The following MCPH1 variants were observed in gnomAD, a reference collection of about 807,000 sequenced individuals.
MCPH1 encodes microcephalin.
In MCPH1, 104 loss-of-function variants were observed where a neutral mutation model predicts 84.5. That is an observed-to-expected ratio of 1.23 (90% CI 1.05 to 1.45). MCPH1 has a LOEUF of 1.45. MCPH1 is among the 40% of genes most tolerant of loss of function. The probability of loss-of-function intolerance (pLI) is 0.00; values close to 1 mark genes in which losing one functional copy is unlikely to be tolerated. For synonymous variants in MCPH1, 514 were observed against 366.8 expected, an observed-to-expected ratio of 1.40 and a Z score of -4.58; for missense variants, 1,498 against 1,005.7, an observed-to-expected ratio of 1.49 and a Z score of -6.62.
At chr8:6,433,630 CAAAAAAAAA>C (rs60661127) in intron 4 of MCPH1, among the ~76,000 whole-genome samples, 1 of 40,896 alleles carries the variant, frequency 2.4e-5, no homozygotes, top group Non-Finnish European at 5.1e-5. Context: ...GGCTCTGTCT[CAAAAAAAAA>C]AAAAAAAAAA....
In MCPH1 at chr8:6,444,681, G is replaced by T. The variant is rs1585806655; in HGVS notation, c.959G>T (p.Gly320Val). 6.2e-7 allele frequency: 1 copy of T among 1,614,020 alleles called. No individual in the cohort carries two copies. The highest frequency in any genetic ancestry group is 8.5e-7 in the Non-Finnish European group (1 of 1,180,018). The change falls in exon 8 of 14, where the codon GGT (glycine) becomes GTT (valine). Residue 320 changes from glycine to valine, a missense_variant. Gly to Val is a moderately radical substitution (Grantham distance 109, BLOSUM62 -3). Transcript: ENST00000344683. ...VVTPDQKQAA[G>V]MSQETFEEKY... ...ACCCCTGACCAAAAGCAGGCTGCAGGTATGTCTCAGGAGACGTTTGAAGAG... is the reference window on the plus strand; with the variant it reads ...ACCCCTGACCAAAAGCAGGCTGCAGTTATGTCTCAGGAGACGTTTGAAGAG...
In MCPH1 at chr8:6,425,292, C is replaced by G. The variant is rs555938313; in HGVS notation, c.234-6207C>G. Among the ~76,000 whole-genome samples, 166 of 152,286 alleles carry G rather than the reference C, an allele frequency of 1.1e-3. 1 individual carries two copies. In the South Asian group the frequency reaches 0.017, roughly 16 times the overall value. On this transcript the variant is annotated intron_variant, in intron 3 of 13. Coordinates refer to ENST00000344683, the MANE Select transcript of MCPH1 (RefSeq NM_024596.5). The stretch of plus-strand genomic sequence containing the variant: ...CTTGAAACACTTTTCGTTTTGACCA[C>G]TAGATGGTGGGATAATGTTATCATT...
chr8:6,496,236 A>G (rs183522310), intron 11 of MCPH1, among the ~76,000 whole-genome samples: 35 of 152,270 alleles, frequency 2.3e-4, no homozygotes, highest in African/African-American at 8.4e-4. Context: ...AGGAGCATGC[A>G]ACCTAGATCC....
chr8:6,603,343 C>G (rs1829515636), intron 12 of MCPH1, among the ~76,000 whole-genome samples: 1 of 152,160 alleles, frequency 6.6e-6, no homozygotes, highest in South Asian at 2.1e-4. Context: ...CATGAGTGAA[C>G]TTTTCGGGAT....
intron 12 of MCPH1, among the ~76,000 whole-genome samples, chr8:6,549,837 A>C (rs952523408): frequency 1.3e-5 from 2 of 152,232 alleles, no homozygotes; most frequent in African/African-American, 4.8e-5. Context: ...CAAGTTGTAC[A>C]CTCAAGATTT....
At chr8:6,438,633 T>C (rs1803022911) in intron 5 of MCPH1, among the ~76,000 whole-genome samples, 1 of 152,250 alleles carries the variant, frequency 6.6e-6, no homozygotes, top group African/African-American at 2.4e-5. Context: ...TTACAACTTT[T>C]AACTTCTGTG....
intron 12 of MCPH1, among the ~76,000 whole-genome samples, chr8:6,537,192 G>A (rs1212264412): frequency 2.0e-5 from 3 of 152,138 alleles, no homozygotes; most frequent in African/African-American, 7.2e-5. Context: ...TCGCAGGAAT[G>A]TTTGCCATCG....
intron 3 of MCPH1, among the ~76,000 whole-genome samples, chr8:6,421,329 C>G (rs1800164991): frequency 6.6e-6 from 1 of 152,080 alleles, no homozygotes; most frequent in Non-Finnish European, 1.5e-5. Context: ...AGCTATCACC[C>G]AACATTCCTA....
intron 12 of MCPH1, among the ~76,000 whole-genome samples, chr8:6,565,100 C>G (rs1398125557): frequency 2.0e-5 from 3 of 152,216 alleles, no homozygotes. Context: ...AAGATGAGAC[C>G]TGTGTTAGAA....
Position 6,576,780 on chromosome 8 carries a change from TCAGGTGATCCGTCCG to T in MCPH1, c.2215-44666_2215-44652del, listed in dbSNP as rs1327771849. On this transcript the variant is annotated intron_variant, in intron 12 of 13. Coordinates refer to ENST00000344683, the MANE Select transcript of MCPH1 (RefSeq NM_024596.5). ...TCAGGGTGGTCTCGAACTCCTGACC[TCAGGTGATCCGTCCG>T]CAGGTGAGCCACCCGCCTCGGCCTC... is the stretch of plus-strand genomic sequence containing the variant. Among the ~76,000 whole-genome samples the T allele has an allele frequency of 1.1e-4, 15 of 134,276 alleles. No individual in the cohort carries two copies. In the South Asian group the frequency reaches 3.9e-3, roughly 35 times the overall value. 88.1% of individuals were successfully genotyped at this position (134,276 alleles called of 152,430 possible).
At chr8:6,575,480 T>G (rs1253830908) in intron 12 of MCPH1, among the ~76,000 whole-genome samples, 1 of 152,168 alleles carries the variant, frequency 6.6e-6, no homozygotes, top group Non-Finnish European at 1.5e-5. Context: ...AGTAAAAAGG[T>G]CCTACGTGGT....
At chr8:6,558,571 C>A (rs1256455753) in intron 12 of MCPH1, among the ~76,000 whole-genome samples, 1 of 152,106 alleles carries the variant, frequency 6.6e-6, no homozygotes, top group African/African-American at 2.4e-5. Context: ...TGGATTACAA[C>A]CTGTTTGACA....
intron 12 of MCPH1, among the ~76,000 whole-genome samples, chr8:6,596,349 A>T (rs1828924609): frequency 6.6e-6 from 1 of 152,188 alleles, no homozygotes; most frequent in African/African-American, 2.4e-5. Flanking sequence ...GAGTGGGTCT[A>T]TGGCACAGCC....
At chr8:6,509,116 A>G in intron 12 of MCPH1, 6 of 1,580,862 alleles carry the variant, frequency 3.8e-6, no homozygotes, top group Non-Finnish European at 2.6e-6. Flanking sequence ...GATTTACCGT[A>G]GTGGCAAATT....
At chr8:6,522,937 C>A (rs1817640923) in intron 12 of MCPH1, among the ~76,000 whole-genome samples, 1 of 152,114 alleles carries the variant, frequency 6.6e-6, no homozygotes, top group African/African-American at 2.4e-5. Flanking sequence ...AAAATCTAAC[C>A]AGCGCTATGG....
At chr8:6,599,655 T>A (rs1829214834) in intron 12 of MCPH1, among the ~76,000 whole-genome samples, 1 of 152,270 alleles carries the variant, frequency 6.6e-6, no homozygotes, top group Non-Finnish European at 1.5e-5. Flanking sequence ...TCTCAGGTGC[T>A]TGTTGAGTCA....
At chr8:6,578,017 CGAG>C (rs1041860172) in intron 12 of MCPH1, among the ~76,000 whole-genome samples, 1 of 152,194 alleles carries the variant, frequency 6.6e-6, no homozygotes, top group Non-Finnish European at 1.5e-5. Context: ...GAATTTGAAG[CGAG>C]GAGTTTTTCT....
intron 13 of MCPH1, chr8:6,622,079 G>T: frequency 2.8e-6 from 1 of 353,352 alleles, no homozygotes; most frequent in South Asian, 2.3e-5. Flanking sequence ...GCCCGGCACT[G>T]GGGCCCAAGC....
rs1288745278 is a variant in MCPH1, at chr8:6,646,512, ATTC to A, written c.*3466_*3468del. 2.0e-5 allele frequency: 3 copies of A among 152,228 alleles called. No homozygotes were observed. Among genetic ancestry groups the A allele is most frequent in the Non-Finnish European group, 4.4e-5 (3 of 68,036 alleles). The allele number at this position is 152,228 out of a possible 1,614,324, so 9.4% of individuals were successfully genotyped here. A position where few individuals can be genotyped will look rare whatever the true frequency, so the allele number is the denominator to read the frequency against. ...ACGAGGCAAGTCAGTATAGCAGCAT[ATTC>A]TTTTCAACAAATGGTGCTGGCAGAA... On this transcript the variant is annotated 3_prime_UTR_variant, in exon 14 of 14. Transcript: ENST00000344683.
Sources: allele counts gnomAD v4.1 joint callset (sites outside exome capture counted in the v4.1 genomes callset), GRCh38; gene constraint gnomAD v4.1.1; transcripts MANE v1.5; gene names NCBI Gene and HGNC (gene_info 2026-07-23, HGNC 2026-07-21).